ATP10B: variants seen among roughly 807,000 people sequenced by gnomAD.
The protein encoded by ATP10B is phospholipid-transporting ATPase VB.
In ATP10B, 122 loss-of-function variants were observed where a neutral mutation model predicts 141.2. That is an observed-to-expected ratio of 0.86 (90% CI 0.75 to 1.00). The LOEUF is 1.00. Ranked by LOEUF, ATP10B falls within the 50% of genes least tolerant of loss-of-function variation. The pLI is 0.00. For synonymous variants in ATP10B, 685 were observed against 692.0 expected (o/e 0.99, Z 0.16); for missense variants, 1,876 against 1,825.3 (o/e 1.03, Z -0.51).
the ATP10B span, among the ~76,000 whole-genome samples, chr5:160,866,550 G>T: frequency 1.3e-5 from 2 of 152,022 alleles, no homozygotes. Flanking sequence ...GTGCATGCCT[G>T]CAATCCCAGC....
At chr5:160,796,571 G>A (rs1306087424) in intron 1 of ATP10B, among the ~76,000 whole-genome samples, 1 of 121,076 alleles carries the variant, frequency 8.3e-6, no homozygotes, top group Admixed American at 8.0e-5. Flanking sequence ...CCCAGCGGTA[G>A]TATTGTCTTC....
rs370285983 is a variant in ATP10B at position 160,788,770 on chromosome 5, T to C, written c.-575-2967A>G. Among the ~76,000 whole-genome samples, 39 of 152,296 alleles carry C rather than the reference T, an allele frequency of 2.6e-4. No individual in the cohort carries two copies. The East Asian group carries it at 3.9e-3, about 15-fold the overall frequency. On this transcript the variant is annotated intron_variant, in intron 1 of 25. Transcript: ENST00000327245. ...GGTAAGGCACTGTGCTGACTAGTTG[T>C]GTGCCTAAGGATAAATAAATCCCTG...
intron 2 of ATP10B, among the ~76,000 whole-genome samples, chr5:160,779,467 G>T (rs540312647): frequency 6.6e-6 from 1 of 152,278 alleles, no homozygotes; most frequent in Non-Finnish European, 1.5e-5. Context: ...AAAGGAGAGG[G>T]CAAGCTGGCA....
At chr5:160,806,840 T>G (rs1362016059) in intron 1 of ATP10B, among the ~76,000 whole-genome samples, 1 of 152,238 alleles carries the variant, frequency 6.6e-6, no homozygotes, top group African/African-American at 2.4e-5. Context: ...TTGACCAATA[T>G]GCCATCCTGC....
At chr5:160,611,871 T>C (rs2127638115) in intron 18 of ATP10B, 1 of 152,344 alleles carries the variant, frequency 6.6e-6, no homozygotes, top group East Asian at 1.9e-4. Flanking sequence ...CTCCATGGAA[T>C]CCAACCCCTG....
At chr5:160,706,189 G>T (rs1387614517) in intron 3 of ATP10B, among the ~76,000 whole-genome samples, 1 of 152,154 alleles carries the variant, frequency 6.6e-6, no homozygotes, top group Non-Finnish European at 1.5e-5. Flanking sequence ...AAATGACAAG[G>T]TTTAAAATAT....
At chr5:160,589,904 G>A (rs1241911553) in intron 23 of ATP10B, among the ~76,000 whole-genome samples, 1 of 152,200 alleles carries the variant, frequency 6.6e-6, no homozygotes, top group Non-Finnish European at 1.5e-5. Flanking sequence ...GCAGGAGTAA[G>A]CCAAGATGGG....
At position 160,624,765 on chromosome 5, in the gene ATP10B, C is replaced by T. The variant is rs140392527; in HGVS notation, c.1621-2180G>A. On this transcript the variant is annotated intron_variant, in intron 13 of 25. Coordinates refer to ENST00000327245, the MANE Select transcript of ATP10B (RefSeq NM_025153.3). The stretch of plus-strand genomic sequence containing the variant: ...CCGACTTAACTAAAACCCATAGAGA[C>T]AGGCTGATTTGACCAAAGTCGCCTA... Among the ~76,000 whole-genome samples the T allele has an allele frequency of 2.1e-4, 32 of 152,344 alleles. No individual in the cohort carries two copies. The East Asian group carries it at 5.6e-3, about 27-fold the overall frequency.
At chr5:160,862,313 G>A in the ATP10B span, among the ~76,000 whole-genome samples, 4 of 151,976 alleles carry the variant, frequency 2.6e-5, no homozygotes, top group Non-Finnish European at 5.9e-5. Flanking sequence ...GCAGAGCTAA[G>A]CCTTCTGTGA....
chr5:160,691,357 A>G (rs960686800), intron 3 of ATP10B, among the ~76,000 whole-genome samples: 3 of 152,124 alleles, frequency 2.0e-5, no homozygotes, highest in African/African-American at 7.2e-5. Flanking sequence ...AAAGTATAAT[A>G]ATGATTAAAA....
chr5:160,623,332 A>T (rs150696473), intron 13 of ATP10B, among the ~76,000 whole-genome samples: 1 of 152,338 alleles, frequency 6.6e-6, no homozygotes, highest in African/African-American at 2.4e-5. Context: ...GGAGTCAGGC[A>T]TGTAAAGTGA....
intron 7 of ATP10B, among the ~76,000 whole-genome samples, chr5:160,668,070 A>G (rs927927639): frequency 2.0e-5 from 3 of 152,098 alleles, no homozygotes; most frequent in African/African-American, 7.2e-5. Context: ...GTCTCTACTA[A>G]AAATACAAAA....
rs750308683 is a variant in ATP10B, at chr5:160,644,257, A to T, written c.762-13T>A. The T allele has an allele frequency of 2.5e-6, 4 of 1,602,816 alleles. No homozygotes were observed. The South Asian group carries it at 3.3e-5, about 13-fold the overall frequency. On this transcript the variant is annotated splice_polypyrimidine_tract_variant and intron_variant, in intron 8 of 25. Transcript: ENST00000327245. ...GTCAGGATGCTCCCTGGGGATGATG[A>T]ATAAAAGACAGGGGGTGGTTTGGTG...
the ATP10B span, among the ~76,000 whole-genome samples, chr5:160,881,638 C>T: frequency 6.6e-6 from 1 of 151,908 alleles, no homozygotes; most frequent in Admixed American, 6.6e-5. Context: ...CGGTGAAACC[C>T]CATCTCTACT....
At chr5:160,828,552 A>C (rs1314243754) in intron 1 of ATP10B, among the ~76,000 whole-genome samples, 1 of 151,734 alleles carries the variant, frequency 6.6e-6, no homozygotes, top group East Asian at 1.9e-4. Context: ...AAAAGTCAGG[A>C]AACAACAGGT....
chr5:160,611,020 C>G (rs1757692142), intron 18 of ATP10B, among the ~76,000 whole-genome samples: 1 of 152,104 alleles, frequency 6.6e-6, no homozygotes, highest in Non-Finnish European at 1.5e-5. Flanking sequence ...CTACATTAAA[C>G]TAGGGTTTAA....
chr5:160,806,762 G>A (rs930727953), intron 1 of ATP10B, among the ~76,000 whole-genome samples: 2 of 152,212 alleles, frequency 1.3e-5, no homozygotes, highest in African/African-American at 2.4e-5. Flanking sequence ...CAGAGTTTGA[G>A]TAACTTATTC....
intron 6 of ATP10B, among the ~76,000 whole-genome samples, chr5:160,683,812 C>G (rs1003959834): frequency 1.3e-5 from 2 of 152,332 alleles, no homozygotes; most frequent in East Asian, 1.9e-4. Context: ...AGCCCAGACT[C>G]AACTCCCTTG....
intron 2 of ATP10B, among the ~76,000 whole-genome samples, chr5:160,746,513 T>C (rs1354881452): frequency 6.6e-6 from 1 of 151,832 alleles, no homozygotes. Context: ...TACCTCAGCC[T>C]CCCGGGTAGC....
Sources: gnomAD v4.1 joint callset for allele counts (sites outside exome capture counted in the v4.1 genomes callset) on GRCh38, gnomAD v4.1.1 for gene constraint, MANE v1.5 for transcripts, NCBI Gene and HGNC (gene_info 2026-07-23, HGNC 2026-07-21) for gene names.